Variants in SNTG1 observed in about 807,000 individuals in gnomAD.
SNTG1 encodes syntrophin gamma 1, also known as gamma-1-syntrophin.
A neutral mutation model predicts 74.7 loss-of-function variants in SNTG1; 39 were observed. The ratio of observed to expected loss-of-function variants is 0.52; its 90% confidence interval spans 0.40 to 0.68. SNTG1 has a LOEUF of 0.68. Ranked by LOEUF, SNTG1 falls within the 30% of genes least tolerant of loss-of-function variation. The pLI is 0.00. For missense variants in SNTG1, 685 were observed against 609.5 expected (o/e 1.12, Z -1.30); for synonymous variants, 254 against 217.1 (o/e 1.17, Z -1.49).
Position 50,518,062 on chromosome 8 carries a change from C to T in SNTG1, c.467-12115C>T, listed in dbSNP as rs184066641. ...ATTGACCACACAATTGGAAGTAAAA[C>T]ACTCCTCTGCAAATACAAGAGAATG... On this transcript the variant is annotated intron_variant, in intron 9 of 18. Transcript: ENST00000642720. Among the ~76,000 whole-genome samples the T allele has an allele frequency of 6.5e-3, 995 of 152,266 alleles. 3 individuals carry two copies. Among genetic ancestry groups the T allele is most frequent in the Middle Eastern group, 0.031 (9 of 294 alleles).
At chr8:50,204,301 T>G (rs1439458324) in intron 2 of SNTG1, among the ~76,000 whole-genome samples, 2 of 152,164 alleles carry the variant, frequency 1.3e-5, no homozygotes, top group African/African-American at 2.4e-5. Flanking sequence ...ATCTTTTTTT[T>G]GTCCAGTAAA....
At chr8:50,492,995 C>T (rs1438292144) in intron 8 of SNTG1, among the ~76,000 whole-genome samples, 1 of 152,096 alleles carries the variant, frequency 6.6e-6, no homozygotes, top group African/African-American at 2.4e-5. Context: ...GAACGGAGGC[C>T]TCAGAAATAA....
chr8:50,208,937 G>A (rs539817800), intron 2 of SNTG1, among the ~76,000 whole-genome samples: 105 of 152,280 alleles, frequency 6.9e-4, no homozygotes, highest in Admixed American at 2.0e-3. Flanking sequence ...GCAGGGCATC[G>A]CCTCACCTGG....
chr8:50,682,640 A>C (rs1480496941), intron 15 of SNTG1, among the ~76,000 whole-genome samples: 1 of 152,156 alleles, frequency 6.6e-6, no homozygotes, highest in Non-Finnish European at 1.5e-5. Flanking sequence ...TGTCAGTCTC[A>C]CATTTCCCAC....
intron 1 of SNTG1, among the ~76,000 whole-genome samples, chr8:50,137,764 T>C (rs1441142374): frequency 2.0e-5 from 3 of 152,130 alleles, no homozygotes; most frequent in Non-Finnish European, 4.4e-5. Context: ...CTTCCTGTTC[T>C]GAGGCAGCAT....
chr8:50,339,385 G>T (rs564104032), intron 2 of SNTG1, among the ~76,000 whole-genome samples: 1 of 151,816 alleles, frequency 6.6e-6, no homozygotes, highest in Non-Finnish European at 1.5e-5. Context: ...ATAAAAACAA[G>T]ATCTTGTTTA....
At chr8:49,922,839 T>C (rs1806676769) in intron 1 of SNTG1, among the ~76,000 whole-genome samples, 2 of 152,154 alleles carry the variant, frequency 1.3e-5, no homozygotes, top group African/African-American at 2.4e-5. Context: ...ATAATTTATT[T>C]CTGTCAACTA....
rs72642335 is a variant in SNTG1, at chr8:50,364,549, T to C, written c.-27-29663T>C. ...TTATGTGTTTTTCTTTAGGATTCTA[T>C]ATCGTATATCTTAAAATGCTTATAT... is the stretch of plus-strand genomic sequence containing the variant. On this transcript the variant is annotated intron_variant, in intron 2 of 18. Coordinates refer to ENST00000642720, the MANE Select transcript of SNTG1 (RefSeq NM_018967.5). Among the ~76,000 whole-genome samples, 1,259 of 152,266 alleles carry C rather than the reference T, an allele frequency of 8.3e-3. 7 individuals carry two copies. The highest frequency in any genetic ancestry group is 0.027 in the Middle Eastern group (8 of 294).
intron 8 of SNTG1, among the ~76,000 whole-genome samples, chr8:50,482,457 T>G (rs2093748740): frequency 6.6e-6 from 1 of 152,204 alleles, no homozygotes; most frequent in African/African-American, 2.4e-5. Context: ...TTTGTAACAC[T>G]GTCTCATTTG....
intron 2 of SNTG1, among the ~76,000 whole-genome samples, chr8:50,390,784 A>G (rs983229065): frequency 6.6e-6 from 1 of 152,180 alleles, no homozygotes; most frequent in Non-Finnish European, 1.5e-5. Context: ...AAGGTCCTCC[A>G]CATCCCTTGT....
chr8:50,760,001 G>T (rs533201576), intron 18 of SNTG1, among the ~76,000 whole-genome samples: 3 of 152,172 alleles, frequency 2.0e-5, no homozygotes, highest in South Asian at 4.2e-4. Context: ...CCATTTGTTT[G>T]TGTCCTCTCT....
chr8:50,277,110 G>A (rs1453461558), intron 2 of SNTG1, among the ~76,000 whole-genome samples: 1 of 152,042 alleles, frequency 6.6e-6, no homozygotes, highest in East Asian at 1.9e-4. Context: ...TTACAGGCGT[G>A]AGCCACAGCA....
At chr8:50,608,378 G>C (rs2094827849) in intron 13 of SNTG1, among the ~76,000 whole-genome samples, 1 of 151,358 alleles carries the variant, frequency 6.6e-6, no homozygotes, top group African/African-American at 2.4e-5. Context: ...TTGTGTTTCT[G>C]TTGTTAGGTA....
intron 2 of SNTG1, among the ~76,000 whole-genome samples, chr8:50,345,782 A>G (rs2091455459): frequency 6.6e-6 from 1 of 152,244 alleles, no homozygotes; most frequent in Non-Finnish European, 1.5e-5. Flanking sequence ...ATAAAAGTCT[A>G]AAATTCAAAT....
At chr8:50,377,208 C>T (rs568841932) in intron 2 of SNTG1, among the ~76,000 whole-genome samples, 4 of 151,880 alleles carry the variant, frequency 2.6e-5, no homozygotes, top group Non-Finnish European at 5.9e-5. Flanking sequence ...AATCTAGGCA[C>T]TCAAAAGCCT....
chr8:50,733,685 G>A (rs559704577), intron 17 of SNTG1, among the ~76,000 whole-genome samples: 3 of 152,024 alleles, frequency 2.0e-5, no homozygotes, highest in African/African-American at 7.2e-5. Flanking sequence ...GATTAGTGAT[G>A]CTGAGCATTT....
At position 50,504,345 on chromosome 8, in the gene SNTG1, A is replaced by C. The variant is rs898638803; in HGVS notation, c.466+1465A>C. The stretch of plus-strand genomic sequence containing the variant: ...CTTTATAATAGAATGATTTATATGT[A>C]TTGGGTATATACCATTTGACCCAGC... On this transcript the variant is annotated intron_variant, in intron 9 of 18. Coordinates refer to ENST00000642720, the MANE Select transcript of SNTG1 (RefSeq NM_018967.5). Among the ~76,000 whole-genome samples, 3 of 152,190 alleles carry C rather than the reference A, an allele frequency of 2.0e-5. No homozygotes were observed. In the East Asian group the frequency reaches 5.8e-4, roughly 29 times the overall value.
intron 1 of SNTG1, among the ~76,000 whole-genome samples, chr8:50,033,406 G>A (rs1047647679): frequency 2.6e-5 from 4 of 152,128 alleles, no homozygotes; most frequent in Non-Finnish European, 5.9e-5. Context: ...TTACAGGGGT[G>A]AGCCACTGCG....
chr8:50,561,695 A>G (rs1032829906), intron 12 of SNTG1, among the ~76,000 whole-genome samples: 1 of 152,222 alleles, frequency 6.6e-6, no homozygotes, highest in East Asian at 1.9e-4. Flanking sequence ...AGGCCTGGCT[A>G]TGAGGAAACT....
Sources: gnomAD v4.1 joint callset for allele counts (sites outside exome capture counted in the v4.1 genomes callset) on GRCh38, gnomAD v4.1.1 for gene constraint, MANE v1.5 for transcripts, NCBI Gene and HGNC (gene_info 2026-07-23, HGNC 2026-07-21) for gene names.